The following BTBD10 variants were observed in gnomAD, a reference collection of about 807,000 sequenced individuals.
The protein encoded by BTBD10 is BTB domain containing 10.
A neutral mutation model predicts 53.2 loss-of-function variants in BTBD10; 21 were observed. That is an observed-to-expected ratio of 0.39 (90% CI 0.28 to 0.57). BTBD10 has a LOEUF of 0.57. BTBD10 is among the 20% of genes least tolerant of loss of function. The pLI is 0.53. For missense variants in BTBD10, 360 were observed against 594.7 expected (o/e 0.61, Z 4.10); for synonymous variants, 149 against 192.7 (o/e 0.77, Z 1.88).
chr11:13,402,326 T>TA (rs577129775), intron 8 of BTBD10, among the ~76,000 whole-genome samples: 58 of 152,320 alleles, frequency 3.8e-4, no homozygotes, highest in African/African-American at 1.3e-3. Context: ...ACTGCAAACT[T>TA]ACTATGTACT....
chr11:13,396,885 T>C (rs939619994), intron 8 of BTBD10, among the ~76,000 whole-genome samples: 3 of 152,232 alleles, frequency 2.0e-5, no homozygotes, highest in Non-Finnish European at 4.4e-5. Context: ...ATCCCAGGGA[T>C]GAAGCCCACT....
At chr11:13,403,975 C>T (rs1333715032) in intron 7 of BTBD10, among the ~76,000 whole-genome samples, 1 of 152,154 alleles carries the variant, frequency 6.6e-6, no homozygotes, top group Non-Finnish European at 1.5e-5. Context: ...CATTCCTCGC[C>T]TTCTCTCTTT....
chr11:13,448,607 T>C (rs900169742), intron 1 of BTBD10, among the ~76,000 whole-genome samples: 4 of 152,210 alleles, frequency 2.6e-5, no homozygotes, highest in Non-Finnish European at 5.9e-5. Flanking sequence ...GAATCTTCTT[T>C]TGACTCCTTC....
intron 3 of BTBD10, among the ~76,000 whole-genome samples, chr11:13,420,804 T>C (rs1950228094): frequency 6.6e-6 from 1 of 152,194 alleles, no homozygotes; most frequent in East Asian, 1.9e-4. Flanking sequence ...AATAATTTAT[T>C]ATATCCTGCT....
intron 1 of BTBD10, among the ~76,000 whole-genome samples, chr11:13,459,441 T>C (rs1951044597): frequency 6.6e-6 from 1 of 152,038 alleles, no homozygotes; most frequent in African/African-American, 2.4e-5. Context: ...CTAGGGGAAA[T>C]GCAACATTGG....
Position 13,445,027 on chromosome 11 carries a change from G to A in BTBD10, c.98C>T (p.Ser33Leu). Residue 33 changes from serine to leucine, a missense_variant, in exon 2 of 9, where the codon TCA (serine) becomes TTA (leucine). By Grantham distance (145) the Ser-to-Leu change is moderately radical. Coordinates refer to ENST00000278174, the MANE Select transcript of BTBD10 (RefSeq NM_032320.7). Reference sequence around the variant, plus strand: ...GAAATACATATTTTCTACCTACCTTGAATGTTTATAAAGTTTACGAGGTCT... The same window carrying A: ...GAAATACATATTTTCTACCTACCTTAAATGTTTATAAAGTTTACGAGGTCT... ...HSRPRKLYKHSSTSSRIAKGG... is the reference protein window; with the variant it reads ...HSRPRKLYKHLSTSSRIAKGG... The A allele has an allele frequency of 2.5e-6, 4 of 1,602,670 alleles. No homozygotes were observed. Among genetic ancestry groups the A allele is most frequent in the Non-Finnish European group, 3.4e-6 (4 of 1,170,158 alleles).
In BTBD10 at chr11:13,391,079, C is replaced by A. The variant is rs145412637; in HGVS notation, c.1118-1938G>T. On this transcript the variant is annotated intron_variant, in intron 8 of 8. Coordinates refer to ENST00000278174, the MANE Select transcript of BTBD10 (RefSeq NM_032320.7). Reference sequence around the variant, plus strand: ...AATAACCACTCCAGACAAATGTAATCATATTACAATCCTTGCTTAAAAACT... The same window carrying A: ...AATAACCACTCCAGACAAATGTAATAATATTACAATCCTTGCTTAAAAACT... 2.2e-3 allele frequency among the ~76,000 whole-genome samples: 332 copies of A among 152,270 alleles called. 1 individual carries two copies. Among genetic ancestry groups the A allele is most frequent in the Non-Finnish European group, 4.0e-3 (272 of 68,028 alleles).
At chr11:13,393,059 A>G (rs183091952) in intron 8 of BTBD10, among the ~76,000 whole-genome samples, 5 of 152,328 alleles carry the variant, frequency 3.3e-5, no homozygotes, top group African/African-American at 1.2e-4. Context: ...AAAAACCCCA[A>G]AGAAGTGCCT....
At chr11:13,430,374 AT>A in intron 2 of BTBD10, among the ~76,000 whole-genome samples, 1 of 152,354 alleles carries the variant, frequency 6.6e-6, no homozygotes, top group Non-Finnish European at 1.5e-5. Flanking sequence ...TATATCAAGC[AT>A]TGATGAGTAC....
At chr11:13,392,442 T>G (rs1949433656) in intron 8 of BTBD10, among the ~76,000 whole-genome samples, 1 of 152,064 alleles carries the variant, frequency 6.6e-6, no homozygotes, top group African/African-American at 2.4e-5. Flanking sequence ...GAAAGTGTAC[T>G]GGGAAATAGC....
intron 1 of BTBD10, among the ~76,000 whole-genome samples, chr11:13,460,340 CTCTCTCACCCTTA>C (rs1565278528): frequency 1.3e-5 from 2 of 152,206 alleles, no homozygotes; most frequent in South Asian, 4.1e-4. Flanking sequence ...ACCTAACTTC[CTCTCTCACCCTTA>C]TCCCAAGTGA....
chr11:13,443,249 CAA>C (rs1162241407), intron 2 of BTBD10, among the ~76,000 whole-genome samples: 3 of 123,200 alleles, frequency 2.4e-5, no homozygotes, highest in African/African-American at 6.0e-5. Context: ...GAACCCATTT[CAA>C]AAAAAAAAAA....
rs532649435 is a variant in BTBD10, at chr11:13,389,847, C to A, written c.1118-706G>T. ...GTCTTTATATTGCTCTGAGTTTTTT[C>A]TTTTCTTTTTGTTAAATGAAAAAGC... On this transcript the variant is annotated intron_variant, in intron 8 of 8. Transcript: ENST00000278174. Among the ~76,000 whole-genome samples the A allele has an allele frequency of 5.3e-5, 8 of 152,198 alleles. No homozygotes were observed. In the South Asian group the frequency reaches 1.2e-3, roughly 24 times the overall value.
At chr11:13,411,570 G>T (rs1394143046) in intron 6 of BTBD10, among the ~76,000 whole-genome samples, 1 of 151,964 alleles carries the variant, frequency 6.6e-6, no homozygotes, top group East Asian at 1.9e-4. Context: ...GGATAATCAT[G>T]TTACACATAT....
At chr11:13,418,970 C>CTTT (rs1950184105) in intron 4 of BTBD10, among the ~76,000 whole-genome samples, 1 of 92,622 alleles carries the variant, frequency 1.1e-5, no homozygotes, top group African/African-American at 3.7e-5. Context: ...TGTTGACATT[C>CTTT]CTTTTTTTTT....
At chr11:13,456,211 G>C (rs1318338981) in intron 1 of BTBD10, among the ~76,000 whole-genome samples, 3 of 152,062 alleles carry the variant, frequency 2.0e-5, no homozygotes, top group Non-Finnish European at 4.4e-5. Context: ...TTCAATAATT[G>C]AAAGTCTGTG....
At chr11:13,451,070 T>C (rs946706177) in intron 1 of BTBD10, among the ~76,000 whole-genome samples, 1 of 152,022 alleles carries the variant, frequency 6.6e-6, no homozygotes, top group African/African-American at 2.4e-5. Flanking sequence ...TTCAGGTAGA[T>C]GTAGTGGAAG....
intron 1 of BTBD10, among the ~76,000 whole-genome samples, chr11:13,456,212 A>G (rs1591177144): frequency 6.6e-6 from 1 of 152,206 alleles, no homozygotes. Context: ...TCAATAATTG[A>G]AAGTCTGTGG....
chr11:13,453,345 A>G (rs1950902700), intron 1 of BTBD10, among the ~76,000 whole-genome samples: 1 of 152,196 alleles, frequency 6.6e-6, no homozygotes, highest in Non-Finnish European at 1.5e-5. Context: ...CCATGCTTGT[A>G]TATGTTAAGA....
Sources: allele counts gnomAD v4.1 joint callset (sites outside exome capture counted in the v4.1 genomes callset), GRCh38; gene constraint gnomAD v4.1.1; transcripts MANE v1.5; gene names NCBI Gene and HGNC (gene_info 2026-07-23, HGNC 2026-07-21).